RPE65: variants seen among roughly 807,000 people sequenced by gnomAD.
RPE65 encodes the protein retinoid isomerohydrolase RPE65, also known as retinoid isomerohydrolase.
RPE65 carries 58 observed loss-of-function variants against 68.5 expected under a neutral mutation model. That is an observed-to-expected ratio of 0.85 (90% CI 0.69 to 1.05). RPE65 has a LOEUF of 1.05. Among genes scored for constraint, RPE65 ranks in the 50% least tolerant of loss-of-function variants. The pLI, the probability that RPE65 is intolerant of heterozygous loss-of-function variation, is 0.00. For missense variants in RPE65, 643 were observed against 629.9 expected (o/e 1.02, Z -0.22); for synonymous variants, 220 against 222.2 (o/e 0.99, Z 0.09).
At chr1:68,432,942 G>A (rs1055630389) in intron 10 of RPE65, among the ~76,000 whole-genome samples, 4 of 152,110 alleles carry the variant, frequency 2.6e-5, no homozygotes, top group South Asian at 2.1e-4. Context: ...GATATGGGAC[G>A]AGGAAGAGGC....
At chr1:68,443,577 C>T (rs1433373490) in intron 5 of RPE65, among the ~76,000 whole-genome samples, 3 of 152,196 alleles carry the variant, frequency 2.0e-5, no homozygotes. Context: ...TTTTAACTTC[C>T]AGCCCAAAGC....
At chr1:68,446,579 C>A in intron 3 of RPE65, 131 bp downstream of exon 3, 4 of 1,031,514 alleles carry the variant, frequency 3.9e-6, no homozygotes, top group Non-Finnish European at 6.0e-6. Flanking sequence ...ACACACTGGC[C>A]CAGGTACATT....
chr1:68,436,263 G>A (rs1462120702), intron 10 of RPE65, among the ~76,000 whole-genome samples: 1 of 151,890 alleles, frequency 6.6e-6, no homozygotes, highest in Non-Finnish European at 1.5e-5. Flanking sequence ...CTTCTTAAGG[G>A]GAAAGCAAAA....
intron 10 of RPE65, among the ~76,000 whole-genome samples, chr1:68,434,869 T>C (rs565867045): frequency 7.9e-5 from 12 of 152,090 alleles, no homozygotes; most frequent in Non-Finnish European, 1.8e-4. Flanking sequence ...ACTCAAGCAA[T>C]CCTCCTGCCT....
Position 68,429,897 on chromosome 1 carries a change from C to T in RPE65, c.1481G>A (p.Gly494Glu), listed in dbSNP as rs1645807840. The T allele has an allele frequency of 1.2e-6, 2 of 1,613,462 alleles. No homozygotes were observed. The highest frequency in any genetic ancestry group is 2.2e-5 in the South Asian group (2 of 91,044). The change falls in exon 14 of 14, where the codon GGA becomes GAA. Residue 494 changes from glycine (G) to glutamate (E), a missense_variant. Gly to Glu is a moderately conservative substitution (Grantham distance 98). Coordinates refer to ENST00000262340, the MANE Select transcript of RPE65 (RefSeq NM_000329.3). ...GAGATAAGCAGGCTTTTGTCCTGCT[C>T]CTGGGCTCACCACCACACTCAGAAC... Reference protein sequence around the residue: ...GVVLSVVVSPGAGQKPAYLLI... With the variant: ...GVVLSVVVSPEAGQKPAYLLI...
In RPE65 at chr1:68,431,407, T is replaced by C. The variant is rs76971768; in HGVS notation, c.1244-31A>G. ...AAATAGAGCACATGCTTAGGAAAAC[T>C]CTTAATCTCTTTGAAAGAAACATTT... is the stretch of plus-strand genomic sequence containing the variant. On this transcript the variant is annotated intron_variant, in intron 11 of 13. Coordinates refer to ENST00000262340, the MANE Select transcript of RPE65 (RefSeq NM_000329.3). The C allele has an allele frequency of 5.6e-4, 904 of 1,612,722 alleles. 2 individuals carry two copies. In the African/African-American group the frequency reaches 0.01, roughly 18 times the overall value.
chr1:68,429,496 A>G lies in RPE65; in HGVS notation c.*280T>C, dbSNP rs1645804963. 5.1e-5 allele frequency: 21 copies of G among 413,740 alleles called. No individual in the cohort carries two copies. Among genetic ancestry groups the G allele is most frequent in the South Asian group, 3.8e-4 (16 of 41,820 alleles). 25.6% of individuals were successfully genotyped at this position (413,740 alleles called of 1,614,324 possible). A position where few individuals can be genotyped will look rare whatever the true frequency, so the allele number is the denominator to read the frequency against. Reference sequence around the variant, plus strand: ...AATAGGAATTAAAAGCCATTTAGTAAGTCCACATTCATTTCCTATTTGATT... The same window carrying G: ...AATAGGAATTAAAAGCCATTTAGTAGGTCCACATTCATTTCCTATTTGATT... On this transcript the variant is annotated 3_prime_UTR_variant, in exon 14 of 14. Coordinates refer to ENST00000262340, the MANE Select transcript of RPE65 (RefSeq NM_000329.3).
In RPE65 at chr1:68,444,647, C is replaced by T; in HGVS notation, c.379G>A (p.Glu127Lys). Reference protein sequence around the residue: ...SRFFSYFRGVEVTDNALVNVY... With the variant: ...SRFFSYFRGVKVTDNALVNVY... ...TTAACAAGGGCATTGTCAGTAACCT[C>T]TACTCCTCGAAAGTAAGAAAAAAAC... Residue 127 changes from glutamate (E) to lysine (K), a missense_variant, in exon 5 of 14, where the codon GAG becomes AAG. By Grantham distance (56) the Glu-to-Lys change is moderately conservative. Transcript: ENST00000262340. The T allele has an allele frequency of 6.2e-7, 1 of 1,614,120 alleles. No individual in the cohort carries two copies. Among genetic ancestry groups the T allele is most frequent in the Non-Finnish European group, 8.5e-7 (1 of 1,180,036 alleles).
At position 68,431,375 on chromosome 1, in the gene RPE65, T is replaced by C; in HGVS notation, c.1245A>G (p.Ala415=). 1 of 1,613,906 alleles carries C rather than the reference T, an allele frequency of 6.2e-7. No homozygotes were observed. Among genetic ancestry groups the C allele is most frequent in the Non-Finnish European group, 8.5e-7 (1 of 1,179,874 alleles). ...PEVLFSGPRQ[A]FEFPQINYQK... The stretch of plus-strand genomic sequence containing the variant: ...GGTAATTGATTTGAGGAAACTCAAA[T>C]GCTACGAAATAGAGCACATGCTTAG... Residue 415 remains alanine, a splice_region_variant and synonymous_variant, in exon 12 of 14, where the codon GCA becomes GCG. Transcript: ENST00000262340.
intron 6 of RPE65, among the ~76,000 whole-genome samples, 194 bp downstream of exon 6, chr1:68,440,659 C>T (rs752247801): frequency 3.3e-5 from 5 of 152,108 alleles, no homozygotes; most frequent in Non-Finnish European, 7.3e-5. Context: ...ATTTTCAAGT[C>T]GTCATCCTTT....
At chr1:68,444,353 T>C (rs1323788006) in intron 5 of RPE65, among the ~76,000 whole-genome samples, 178 bp downstream of exon 5, 1 of 152,236 alleles carries the variant, frequency 6.6e-6, no homozygotes, top group Non-Finnish European at 1.5e-5. Flanking sequence ...ATTACACCAA[T>C]TGCAGGAAAG....
intron 5 of RPE65, among the ~76,000 whole-genome samples, chr1:68,444,116 C>T (rs1378300981): frequency 6.6e-6 from 1 of 152,086 alleles, no homozygotes; most frequent in African/African-American, 2.4e-5. Context: ...TTGATCTATC[C>T]CTTGCATCTA....
chr1:68,429,919 G>A lies in RPE65; in HGVS notation c.1459C>T (p.Leu487=), dbSNP rs1404827828. 1 of 1,613,518 alleles carries A rather than the reference G, an allele frequency of 6.2e-7. No individual in the cohort carries two copies. Among genetic ancestry groups the A allele is most frequent in the African/African-American group, 1.3e-5 (1 of 74,854 alleles). The change falls in exon 14 of 14, where the codon CTG becomes TTG. Residue 487 remains leucine (L), a synonymous_variant. Coordinates refer to ENST00000262340, the MANE Select transcript of RPE65 (RefSeq NM_000329.3). ...GCTCCTGGGCTCACCACCACACTCA[G>A]AACTACACCTGTTTATCAGAAGTAA... ...DALEEDDGVV[L]SVVVSPGAGQ... is the part of the protein sequence containing the mutation.
chr1:68,438,829 C>G (rs987755444), intron 9 of RPE65, 113 bp downstream of exon 9: 10 of 1,343,882 alleles, frequency 7.4e-6, no homozygotes, highest in Non-Finnish European at 9.6e-6. Flanking sequence ...TTGACTCTCA[C>G]ATAACTCTTG....
At chr1:68,438,121 G>A in intron 10 of RPE65, 66 bp downstream of exon 10, 1 of 1,594,828 alleles carries the variant, frequency 6.3e-7, no homozygotes, top group Non-Finnish European at 8.6e-7. Flanking sequence ...CATGAGGCAG[G>A]AGGACAATTC....
At chr1:68,438,121 G>T in intron 10 of RPE65, 66 bp downstream of exon 10, 1 of 1,594,826 alleles carries the variant, frequency 6.3e-7, no homozygotes, top group Non-Finnish European at 8.6e-7. Context: ...CATGAGGCAG[G>T]AGGACAATTC....
At chr1:68,441,663 C>T (rs1215702817) in intron 5 of RPE65, among the ~76,000 whole-genome samples, 1 of 151,914 alleles carries the variant, frequency 6.6e-6, no homozygotes, top group Admixed American at 6.6e-5. Flanking sequence ...AATTGGGGTT[C>T]CAGAGAGATC....
At chr1:68,431,213 T>G in intron 12 of RPE65, 37 bp from the exon 13 acceptor site, 1 of 1,606,446 alleles carries the variant, frequency 6.2e-7, no homozygotes, top group Non-Finnish European at 8.5e-7. Context: ...AAGCAATCAG[T>G]CAATATGCTT....
At position 68,444,576 on chromosome 1, in the gene RPE65, G is replaced by A. The variant is rs370004418; in HGVS notation, c.450C>T (p.Asn150=). The change falls in exon 5 of 14, where the codon AAC becomes AAT. Residue 150 remains asparagine (N), a synonymous_variant. Coordinates refer to ENST00000262340, the MANE Select transcript of RPE65 (RefSeq NM_000329.3). ...TCTCTGGATTAATCTTTGTAATAAA[G>A]TTGGTCTCTGTGCAAGCGTAGTAAT... ...GEDYYACTET[N]FITKINPETL... The A allele has an allele frequency of 6.8e-6, 11 of 1,614,032 alleles. No individual in the cohort carries two copies. Among genetic ancestry groups the A allele is most frequent in the Admixed American group, 1.7e-5 (1 of 59,994 alleles).
Sources: gnomAD v4.1 joint callset for allele counts (sites outside exome capture counted in the v4.1 genomes callset) on GRCh38, gnomAD v4.1.1 for gene constraint, MANE v1.5 for transcripts, NCBI Gene and HGNC (gene_info 2026-07-23, HGNC 2026-07-21) for gene names.